The following CACNA2D2 variants were observed in gnomAD, a reference collection of about 807,000 sequenced individuals.
CACNA2D2 encodes the protein calcium voltage-gated channel auxiliary subunit alpha2delta 2.
Under a neutral mutation model 166.4 loss-of-function variants are expected in CACNA2D2, and 48 were observed. The observed-to-expected ratio is 0.29, with a 90% CI of 0.23 to 0.37. CACNA2D2 has a LOEUF of 0.37. CACNA2D2 is among the 10% of genes least tolerant of loss of function. The pLI is 1.00. For synonymous variants in CACNA2D2, 561 were observed against 573.7 expected, an observed-to-expected ratio of 0.98 and a Z score of 0.32; for missense variants, 1,122 against 1,433.0, an observed-to-expected ratio of 0.78 and a Z score of 3.50.
intron 3 of CACNA2D2, among the ~76,000 whole-genome samples, chr3:50,410,408 GCA>G (rs1185994067): frequency 2.6e-5 from 4 of 152,124 alleles, no homozygotes; most frequent in African/African-American, 9.7e-5. Flanking sequence ...GTGAGGCTAA[GCA>G]CAGAGCATGC....
chr3:50,420,417 T>G (rs948690256), intron 3 of CACNA2D2, among the ~76,000 whole-genome samples: 118 of 152,206 alleles, frequency 7.8e-4, no homozygotes, highest in Non-Finnish European at 1.3e-3. Context: ...GTGGCTAGGG[T>G]AGCACCAAAT....
intron 2 of CACNA2D2, among the ~76,000 whole-genome samples, chr3:50,467,969 G>A (rs945564815): frequency 6.6e-6 from 1 of 152,246 alleles, no homozygotes; most frequent in Admixed American, 6.5e-5. Flanking sequence ...GGGGCCGGCT[G>A]TGGTTTGTCA....
intron 3 of CACNA2D2, among the ~76,000 whole-genome samples, chr3:50,417,913 GGAAT>G (rs1707339470): frequency 6.6e-6 from 1 of 152,198 alleles, no homozygotes; most frequent in South Asian, 2.1e-4. Context: ...GTGTACGTGG[GGAAT>G]GAATGGATGG....
chr3:50,364,865 G>A, intron 37 of CACNA2D2, 23 bp downstream of exon 37: 1 of 1,613,322 alleles, frequency 6.2e-7, no homozygotes, highest in Non-Finnish European at 8.5e-7. Flanking sequence ...CGGGATTTCG[G>A]GTCCACCGCC....
chr3:50,479,155 C>A (rs562377041), intron 1 of CACNA2D2, among the ~76,000 whole-genome samples: 2 of 152,318 alleles, frequency 1.3e-5, no homozygotes, highest in East Asian at 3.9e-4. Context: ...AAGATATACA[C>A]GCTCACTCTC....
intron 1 of CACNA2D2, among the ~76,000 whole-genome samples, chr3:50,483,053 C>G (rs1271847670): frequency 6.6e-6 from 1 of 152,176 alleles, no homozygotes; most frequent in Non-Finnish European, 1.5e-5. Context: ...GACACTGAGC[C>G]CAGAGTGAGA....
intron 2 of CACNA2D2, among the ~76,000 whole-genome samples, chr3:50,460,725 G>A (rs971910604): frequency 6.6e-5 from 10 of 152,002 alleles, no homozygotes; most frequent in Admixed American, 2.6e-4. Flanking sequence ...GTGGTGGCGG[G>A]CACCTGTAGT....
At chr3:50,473,072 G>GT (rs1459061826) in intron 2 of CACNA2D2, among the ~76,000 whole-genome samples, 2 of 152,208 alleles carry the variant, frequency 1.3e-5, no homozygotes, top group Non-Finnish European at 2.9e-5. Context: ...CTGGACAAGC[G>GT]TGGGGGTGGG....
rs555220484 is a variant in CACNA2D2 at position 50,476,433 on chromosome 3, A to G, written c.207-234T>C. Among the ~76,000 whole-genome samples the G allele has an allele frequency of 4.6e-5, 7 of 152,308 alleles. No homozygotes were observed. In the South Asian group the frequency reaches 1.5e-3, roughly 32 times the overall value. On this transcript the variant is annotated intron_variant, in intron 1 of 37. Coordinates refer to ENST00000424201, the MANE Select transcript of CACNA2D2 (RefSeq NM_006030.4). ...GGTGGCGAGGAGGAGAGAGGATTGC[A>G]TTGTGGATGTGCTGAGGGAGCTCAG... is the stretch of plus-strand genomic sequence containing the variant.
chr3:50,434,485 T>A lies in CACNA2D2; in HGVS notation c.289-56A>T. The A allele has an allele frequency of 3.2e-6, 4 of 1,265,840 alleles. No homozygotes were observed. The South Asian group carries it at 4.8e-5, about 15-fold the overall frequency. The allele number at this position is 1,265,840 out of a possible 1,614,324, so 78.4% of individuals were successfully genotyped here. A position where few individuals can be genotyped will look rare whatever the true frequency, so the allele number is the denominator to read the frequency against. ...CAGGTGGTCCCACGTCCTCATGCCA[T>A]GGGCCCTGCATACCCCTCTGCACAG... On this transcript the variant is annotated intron_variant, in intron 2 of 37. Coordinates refer to ENST00000424201, the MANE Select transcript of CACNA2D2 (RefSeq NM_006030.4).
In CACNA2D2 at chr3:50,376,263, T is replaced by G; in HGVS notation, c.1627-75A>C. The G allele has an allele frequency of 1.4e-6, 2 of 1,479,264 alleles. No individual in the cohort carries two copies. The highest frequency in any genetic ancestry group is 2.8e-5 in the African/African-American group (2 of 72,258). The allele number at this position is 1,479,264 out of a possible 1,614,324, so 91.6% of individuals were successfully genotyped here. On this transcript the variant is annotated intron_variant, in intron 17 of 37. Coordinates refer to ENST00000424201, the MANE Select transcript of CACNA2D2 (RefSeq NM_006030.4). This position sits in a 1 kb window ranked among gnomAD's most constrained non-coding sequence, Gnocchi z 4.3. ...CCCTGGGCTCCGGAGTTCTTCCCTA[T>G]TTGGCCTCCCACCGCACCGAGAGAT...
At position 50,446,252 on chromosome 3, in the gene CACNA2D2, C is replaced by T. The variant is rs9834579; in HGVS notation, c.289-11823G>A. ...GTGACAATTATTACGGGATTAGCTG[C>T]CATTACTGGCGGGGCCAAAGTGAGC... On this transcript the variant is annotated intron_variant, in intron 2 of 37. Transcript: ENST00000424201. Among the ~76,000 whole-genome samples the T allele has an allele frequency of 6.1e-3, 936 of 152,364 alleles. 10 individuals are homozygous for T. The highest frequency in any genetic ancestry group is 0.048 in the East Asian group (250 of 5,176).
At chr3:50,477,218 C>T (rs534682611) in intron 1 of CACNA2D2, among the ~76,000 whole-genome samples, 94 of 152,274 alleles carry the variant, frequency 6.2e-4, no homozygotes, top group African/African-American at 2.2e-3. Context: ...CATGAGCCAC[C>T]GTGCCCGGCC....
chr3:50,482,017 AAT>A (rs1287883830), intron 1 of CACNA2D2, among the ~76,000 whole-genome samples: 1 of 152,070 alleles, frequency 6.6e-6, no homozygotes, highest in Non-Finnish European at 1.5e-5. Context: ...AAAACTATAA[AAT>A]ATAAAGTGCT....
chr3:50,407,199 G>A (rs1421185841), intron 3 of CACNA2D2, among the ~76,000 whole-genome samples: 1 of 151,800 alleles, frequency 6.6e-6, no homozygotes, highest in African/African-American at 2.4e-5. Flanking sequence ...TATACAAAGG[G>A]GGAGCTGAGG....
Position 50,380,819 on chromosome 3 carries a change from G to A in CACNA2D2, c.785-14C>T. 5 of 1,543,452 alleles carry A rather than the reference G, an allele frequency of 3.2e-6. No individual in the cohort carries two copies. Among genetic ancestry groups the A allele is most frequent in the Non-Finnish European group, 4.4e-6 (5 of 1,145,260 alleles). The stretch of plus-strand genomic sequence containing the variant: ...GCCACGGGGTGGCTGAGGGAGGAGA[G>A]AAGGTGAGGGGGACTGGCAGGAAAG... On this transcript the variant is annotated splice_polypyrimidine_tract_variant and intron_variant, in intron 7 of 37. Transcript: ENST00000424201. This position sits in a 1 kb window ranked among gnomAD's most constrained non-coding sequence, Gnocchi z 4.9.
chr3:50,431,980 CAA>C (rs57712165), intron 3 of CACNA2D2, among the ~76,000 whole-genome samples: 12 of 92,224 alleles, frequency 1.3e-4, no homozygotes, highest in East Asian at 5.1e-4. Flanking sequence ...GTGTCTGTCT[CAA>C]AAAAAAAAAA....
rs542445089 is a variant in CACNA2D2 at position 50,400,628 on chromosome 3, C to T, written c.406-6460G>A. ...ATGGGCAGTGAGGGCCGAGCAGGGT[C>T]CGTGACTTACGTGCTGAGGGTGATG... is the stretch of plus-strand genomic sequence containing the variant. On this transcript the variant is annotated intron_variant, in intron 3 of 37. Transcript: ENST00000424201. Among the ~76,000 whole-genome samples, 355 of 152,324 alleles carry T rather than the reference C, an allele frequency of 2.3e-3. 3 individuals carry two copies. The highest frequency in any genetic ancestry group is 8.2e-3 in the African/African-American group (341 of 41,572).
intron 2 of CACNA2D2, among the ~76,000 whole-genome samples, chr3:50,446,763 C>T (rs1027428496): frequency 7.9e-5 from 12 of 152,200 alleles, no homozygotes; most frequent in African/African-American, 2.9e-4. Flanking sequence ...TACCAGACCC[C>T]GAGGGCTCAT....
Sources: gnomAD v4.1 joint callset for allele counts (sites outside exome capture counted in the v4.1 genomes callset) on GRCh38, gnomAD v4.1.1 for gene constraint, Gnocchi (gnomAD v3.1) non-coding constraint, MANE v1.5 for transcripts, NCBI Gene and HGNC (gene_info 2026-07-23, HGNC 2026-07-21) for gene names.